The following SLC6A5 variants were observed in gnomAD, a reference collection of about 807,000 sequenced individuals.
SLC6A5 encodes the protein solute carrier family 6 member 5.
A neutral mutation model predicts 90.5 loss-of-function variants in SLC6A5; 58 were observed. The observed-to-expected ratio is 0.64, with a 90% confidence interval of 0.52 to 0.80. SLC6A5 has a LOEUF of 0.80. Ranked by LOEUF, SLC6A5 falls within the 30% of genes least tolerant of loss-of-function variation. The pLI is 0.00. For synonymous variants in SLC6A5, 427 were observed against 401.4 expected (o/e 1.06, Z -0.76); for missense variants, 1,015 against 1,017.6 (o/e 1.00, Z 0.03).
chr11:20,604,472 C>T, intron 3 of SLC6A5, 48 bp downstream of exon 3: 1 of 1,602,164 alleles, frequency 6.2e-7, no homozygotes. Flanking sequence ...GGGCGGGCAC[C>T]TGAGGGTTGG....
intron 2 of SLC6A5, 79 bp downstream of exon 2, chr11:20,601,744 G>T: frequency 4.1e-6 from 6 of 1,469,252 alleles, no homozygotes; most frequent in Non-Finnish European, 3.7e-6. Flanking sequence ...CGTGGCGGGT[G>T]CACGTATGCT....
chr11:20,624,924 C>T (rs897348131), intron 7 of SLC6A5, among the ~76,000 whole-genome samples: 1 of 152,226 alleles, frequency 6.6e-6, no homozygotes, highest in Non-Finnish European at 1.5e-5. Flanking sequence ...TGACACTGTA[C>T]TCTTCCAATA....
chr11:20,607,834 G>A (rs540980083), intron 5 of SLC6A5, among the ~76,000 whole-genome samples, 182 bp downstream of exon 5: 2 of 152,274 alleles, frequency 1.3e-5, no homozygotes, highest in African/African-American at 2.4e-5. Flanking sequence ...CTGGCCCAGA[G>A]GAAAGCTTAA....
In SLC6A5 at chr11:20,657,071, A is replaced by T. The variant is rs1457096011; in HGVS notation, c.*2203A>T. On this transcript the variant is annotated 3_prime_UTR_variant, in exon 16 of 16. Coordinates refer to ENST00000525748, the MANE Select transcript of SLC6A5 (RefSeq NM_004211.5). Reference sequence around the variant, plus strand: ...AAATCAATTAGCATTCTCTCATGGGACTGGTATGTTTGTGTCAGGATGAAT... The same window carrying T: ...AAATCAATTAGCATTCTCTCATGGGTCTGGTATGTTTGTGTCAGGATGAAT... 1 of 152,146 alleles carries T rather than the reference A, an allele frequency of 6.6e-6. No individual in the cohort carries two copies. Among genetic ancestry groups the T allele is most frequent in the Non-Finnish European group, 1.5e-5 (1 of 68,038 alleles). The allele number at this position is 152,146 out of a possible 1,614,324, so 9.4% of individuals were successfully genotyped here.
At chr11:20,624,578 C>T (rs1035044550) in intron 7 of SLC6A5, among the ~76,000 whole-genome samples, 1 of 152,136 alleles carries the variant, frequency 6.6e-6, no homozygotes, top group Non-Finnish European at 1.5e-5. Context: ...ACCAGGTACT[C>T]GAGTCTGTGC....
chr11:20,613,726 C>G (rs958370011), intron 5 of SLC6A5, among the ~76,000 whole-genome samples: 4 of 146,340 alleles, frequency 2.7e-5, no homozygotes, highest in African/African-American at 1.0e-4. Context: ...GTGGCATGAT[C>G]ATGTCTCACT....
chr11:20,645,553 G>A (rs531871385), intron 13 of SLC6A5, among the ~76,000 whole-genome samples: 1 of 152,030 alleles, frequency 6.6e-6, no homozygotes, highest in Admixed American at 6.5e-5. Context: ...ATTCTTGATG[G>A]GAGGAGATGT....
chr11:20,652,945 G>A (rs1452812143), intron 15 of SLC6A5, among the ~76,000 whole-genome samples: 1 of 152,186 alleles, frequency 6.6e-6, no homozygotes, highest in East Asian at 1.9e-4. Flanking sequence ...AAATGTCACT[G>A]TTCCCACAGA....
At chr11:20,640,373 T>C (rs1853288815) in intron 13 of SLC6A5, among the ~76,000 whole-genome samples, 1 of 152,220 alleles carries the variant, frequency 6.6e-6, no homozygotes. Context: ...ATATTTCTGT[T>C]TTTAGGAATT....
chr11:20,599,989 A>G (rs1299527704), intron 1 of SLC6A5, among the ~76,000 whole-genome samples: 1 of 152,132 alleles, frequency 6.6e-6, no homozygotes. Flanking sequence ...GAGGCTACTG[A>G]GACAAATGCT....
intron 10 of SLC6A5, among the ~76,000 whole-genome samples, chr11:20,634,310 C>T (rs1590173480): frequency 6.6e-6 from 1 of 152,344 alleles, no homozygotes; most frequent in South Asian, 2.1e-4. Flanking sequence ...CGATGTTATT[C>T]TCTAGATGAC....
At position 20,658,434 on chromosome 11, in the gene SLC6A5, G is replaced by A. The variant is rs1853663187; in HGVS notation, c.*3566G>A. 1 of 152,088 alleles carries A rather than the reference G, an allele frequency of 6.6e-6. No homozygotes were observed. Among genetic ancestry groups the A allele is most frequent in the Admixed American group, 6.5e-5 (1 of 15,270 alleles). 9.4% of individuals were successfully genotyped at this position (152,088 alleles called of 1,614,324 possible). A position where few individuals can be genotyped will look rare whatever the true frequency, so the allele number is the denominator to read the frequency against. On this transcript the variant is annotated 3_prime_UTR_variant, in exon 16 of 16. Coordinates refer to ENST00000525748, the MANE Select transcript of SLC6A5 (RefSeq NM_004211.5). The stretch of plus-strand genomic sequence containing the variant: ...GTGCTGTGTGGCAGGTGTTTTGCAG[G>A]ACCAAAAGGCCAAGGCCAACAGAGG...
intron 13 of SLC6A5, among the ~76,000 whole-genome samples, chr11:20,644,787 C>T (rs1353406935): frequency 2.6e-5 from 4 of 151,996 alleles, no homozygotes; most frequent in Non-Finnish European, 5.9e-5. Flanking sequence ...TATAGAACAT[C>T]AGCAGGGCCA....
intron 15 of SLC6A5, 77 bp from the exon 16 acceptor site, chr11:20,654,636 T>G (rs1257293827): frequency 4.1e-6 from 6 of 1,460,174 alleles, no homozygotes; most frequent in Non-Finnish European, 5.8e-6. Flanking sequence ...ATAAGCAGTT[T>G]GGGGATGAGT....
chr11:20,599,699 C>T (rs1030635661), intron 1 of SLC6A5, 24 bp downstream of exon 1: 27 of 1,613,596 alleles, frequency 1.7e-5, no homozygotes, highest in Non-Finnish European at 2.3e-5. Context: ...TTTGTTCTTT[C>T]AAGAGGAAAG....
intron 15 of SLC6A5, among the ~76,000 whole-genome samples, chr11:20,653,476 A>G (rs1853578832): frequency 6.6e-6 from 1 of 152,144 alleles, no homozygotes; most frequent in Non-Finnish European, 1.5e-5. Context: ...AAAAGGAATG[A>G]AGAAGGAACA....
At chr11:20,628,919 G>A (rs1009871608) in intron 9 of SLC6A5, among the ~76,000 whole-genome samples, 1 of 152,176 alleles carries the variant, frequency 6.6e-6, no homozygotes, top group Non-Finnish European at 1.5e-5. Flanking sequence ...AGACAAGGTG[G>A]ATCATTTGCT....
At chr11:20,631,473 C>G (rs573741260) in intron 10 of SLC6A5, among the ~76,000 whole-genome samples, 1 of 152,198 alleles carries the variant, frequency 6.6e-6, no homozygotes, top group Non-Finnish European at 1.5e-5. Context: ...TTCAAGTTGA[C>G]AAAGAGCTTT....
Position 20,654,902 on chromosome 11 carries a change from G to C in SLC6A5, c.*34G>C, listed in dbSNP as rs373557550. 6.2e-7 allele frequency: 1 copy of C among 1,607,370 alleles called. No homozygotes were observed. The highest frequency in any genetic ancestry group is 8.5e-7 in the Non-Finnish European group (1 of 1,173,844). On this transcript the variant is annotated 3_prime_UTR_variant, in exon 16 of 16. Transcript: ENST00000525748. Reference sequence around the variant, plus strand: ...TGTGGGATGGTCCAGACTTGATCCTGTTTTTCCTCTCTGCCTCCTCCTAAT... The same window carrying C: ...TGTGGGATGGTCCAGACTTGATCCTCTTTTTCCTCTCTGCCTCCTCCTAAT...
Sources: allele counts gnomAD v4.1 joint callset (sites outside exome capture counted in the v4.1 genomes callset), GRCh38; gene constraint gnomAD v4.1.1; transcripts MANE v1.5; gene names NCBI Gene and HGNC (gene_info 2026-07-23, HGNC 2026-07-21).